TRMT44: variants seen among roughly 807,000 people sequenced by gnomAD.
TRMT44 encodes the protein tRNA methyltransferase 44 homolog.
Under a neutral mutation model 77.3 loss-of-function variants are expected in TRMT44, and 78 were observed. That is an observed-to-expected ratio of 1.01 (90% CI 0.84 to 1.22). The LOEUF (loss-of-function observed/expected upper bound fraction) is 1.22. TRMT44 is among the 50% of genes most tolerant of loss of function. The pLI, the probability that TRMT44 is intolerant of heterozygous loss-of-function variation, is 0.00. For synonymous variants in TRMT44, 391 were observed against 383.3 expected (o/e 1.02, Z -0.23); for missense variants, 1,090 against 964.4 (o/e 1.13, Z -1.73).
chr4:8,440,982 G>A lies in TRMT44; in HGVS notation c.160G>A (p.Ala54Thr). The change falls in exon 1 of 11, where the codon GCG becomes ACG. Residue 54 changes from alanine to threonine, a missense_variant. By Grantham distance (58) the Ala-to-Thr change is moderately conservative. Transcript: ENST00000389737. ...EARWSAALPC[A>T]EARGPGTSAG... ...CCGCTGGAGCGCCGCCCTGCCCTGC[G>A]CGGAGGCCCGCGGCCCCGGGACTAG... The A allele has an allele frequency of 6.6e-7, 1 of 1,523,510 alleles. No homozygotes were observed. Among genetic ancestry groups the A allele is most frequent in the South Asian group, 1.2e-5 (1 of 82,506 alleles). 94.4% of individuals were successfully genotyped at this position (1,523,510 alleles called of 1,614,324 possible).
At chr4:8,441,685 C>T (rs1439878391) in intron 1 of TRMT44, among the ~76,000 whole-genome samples, 2 of 152,066 alleles carry the variant, frequency 1.3e-5, no homozygotes, top group East Asian at 3.9e-4. Flanking sequence ...CTGGATATTG[C>T]GTAATACCTA....
At chr4:8,454,583 G>C (rs1389075261) in intron 5 of TRMT44, 159 bp from the exon 6 acceptor site, 3 of 632,736 alleles carry the variant, frequency 4.7e-6, no homozygotes, top group Non-Finnish European at 8.3e-6. Flanking sequence ...AATGGCACCT[G>C]GTGCGCTGGA....
At chr4:8,469,069 C>CCTTCTT (rs1381723660) in intron 9 of TRMT44, among the ~76,000 whole-genome samples, 1 of 152,234 alleles carries the variant, frequency 6.6e-6, no homozygotes, top group South Asian at 2.1e-4. Flanking sequence ...TGAGGGAAAC[C>CCTTCTT]CTTCTTCTCC....
At chr4:8,515,937 C>T in the TRMT44 span, among the ~76,000 whole-genome samples, 1 of 152,276 alleles carries the variant, frequency 6.6e-6, no homozygotes, top group Non-Finnish European at 1.5e-5. Flanking sequence ...GAAGAGCTCG[C>T]CAGGCTTTCC....
intron 6 of TRMT44, among the ~76,000 whole-genome samples, chr4:8,463,272 T>C (rs1726287884): frequency 6.6e-6 from 1 of 152,238 alleles, no homozygotes; most frequent in Non-Finnish European, 1.5e-5. Context: ...ACAGAATTGC[T>C]ATTGAAACTG....
intron 9 of TRMT44, among the ~76,000 whole-genome samples, chr4:8,469,366 G>A (rs2109171899): frequency 1.3e-5 from 2 of 152,298 alleles, no homozygotes; most frequent in South Asian, 4.1e-4. Flanking sequence ...CTGCTGTGGT[G>A]GGGCTGGAGC....
the TRMT44 span, among the ~76,000 whole-genome samples, chr4:8,516,574 G>A: frequency 6.6e-6 from 1 of 152,210 alleles, no homozygotes. Context: ...GAGGCCAGGA[G>A]TTCAAGACCA....
chr4:8,452,756 A>T lies in TRMT44; in HGVS notation c.1024-126A>T. ...TCTCAAAAAAAGAAAAAAAAAAAAG[A>T]ATGTTTAGTGTAGATGATTTCAAGT... On this transcript the variant is annotated intron_variant, in intron 4 of 10. Transcript: ENST00000389737. The surrounding 1 kb of genome is among the most constrained non-coding windows in gnomAD (Gnocchi z 5.7). 1 of 524,504 alleles carries T rather than the reference A, an allele frequency of 1.9e-6. No individual in the cohort carries two copies. The highest frequency in any genetic ancestry group is 3.3e-6 in the Non-Finnish European group (1 of 304,258). The allele number at this position is 524,504 out of a possible 1,614,324, so 32.5% of individuals were successfully genotyped here.
chr4:8,464,408 GGT>G (rs1230033702), intron 7 of TRMT44, among the ~76,000 whole-genome samples: 3 of 152,182 alleles, frequency 2.0e-5, no homozygotes, highest in African/African-American at 7.2e-5. Context: ...TGTCAAAAGA[GGT>G]GTCCTTTTTG....
chr4:8,458,799 T>C (rs1725974132), intron 6 of TRMT44, among the ~76,000 whole-genome samples: 2 of 152,176 alleles, frequency 1.3e-5, no homozygotes, highest in African/African-American at 4.8e-5. Context: ...TTTAAGGATA[T>C]AGTATATAAT....
chr4:8,514,895 G>T, the TRMT44 span, among the ~76,000 whole-genome samples: 4 of 152,220 alleles, frequency 2.6e-5, no homozygotes, highest in African/African-American at 9.7e-5. Flanking sequence ...GAGGAGACAG[G>T]GTGTGGAGCC....
intron 2 of TRMT44, among the ~76,000 whole-genome samples, chr4:8,488,574 G>A (rs1055239003): frequency 6.6e-6 from 1 of 152,192 alleles, no homozygotes; most frequent in African/African-American, 2.4e-5. Flanking sequence ...TTCTTTTGTG[G>A]TGGAATGTCA....
intron 1 of TRMT44, among the ~76,000 whole-genome samples, chr4:8,443,935 G>A (rs1724907168): frequency 6.6e-6 from 1 of 151,690 alleles, no homozygotes; most frequent in Non-Finnish European, 1.5e-5. Context: ...ATTCCAGCCT[G>A]GGCAGCAGAC....
downstream of TRMT44, among the ~76,000 whole-genome samples, chr4:8,495,955 T>C (rs894881787): frequency 1.3e-5 from 2 of 152,348 alleles, no homozygotes. Context: ...TCATTCTGAT[T>C]GTTTCCCTCC....
chr4:8,495,148 G>A (rs1407387170), downstream of TRMT44, among the ~76,000 whole-genome samples: 1 of 152,190 alleles, frequency 6.6e-6, no homozygotes, highest in Non-Finnish European at 1.5e-5. Context: ...GTTAGGGTAG[G>A]GAGACTGTTC....
At chr4:8,469,068 C>T (rs1366204794) in intron 9 of TRMT44, among the ~76,000 whole-genome samples, 1 of 152,226 alleles carries the variant, frequency 6.6e-6, no homozygotes, top group South Asian at 2.1e-4. Flanking sequence ...TTGAGGGAAA[C>T]CCTTCTTCTC....
At chr4:8,508,002 G>T in the TRMT44 span, among the ~76,000 whole-genome samples, 1 of 152,216 alleles carries the variant, frequency 6.6e-6, no homozygotes, top group Non-Finnish European at 1.5e-5. Context: ...CAGCTCCCAG[G>T]TTCAAGTGAT....
chr4:8,456,377 C>T (rs1427988167), intron 6 of TRMT44, among the ~76,000 whole-genome samples: 2 of 152,128 alleles, frequency 1.3e-5, no homozygotes, highest in African/African-American at 4.8e-5. Context: ...CTGCAGGACC[C>T]ATACACAATG....
At chr4:8,509,757 G>C in the TRMT44 span, 1 of 152,572 alleles carries the variant, frequency 6.6e-6, no homozygotes, top group Non-Finnish European at 1.5e-5. Context: ...GCTGCGTCCA[G>C]CGACCCCATC....
Sources: gnomAD v4.1 joint callset for allele counts (sites outside exome capture counted in the v4.1 genomes callset) on GRCh38, gnomAD v4.1.1 for gene constraint, Gnocchi (gnomAD v3.1) non-coding constraint, MANE v1.5 for transcripts, NCBI Gene and HGNC (gene_info 2026-07-23, HGNC 2026-07-21) for gene names.